ZNF570: variants seen among roughly 807,000 people sequenced by gnomAD.
ZNF570 encodes the protein zinc finger protein 570.
ZNF570 carries 8 observed loss-of-function variants against 14.2 expected under a neutral mutation model. The ratio of observed to expected loss-of-function variants is 0.56; its 90% confidence interval spans 0.33 to 1.02. ZNF570 has a LOEUF of 1.02. Among genes scored for constraint, ZNF570 ranks in the 50% least tolerant of loss-of-function variants. The pLI is 0.03. For missense variants in ZNF570, 559 were observed against 624.9 expected, an observed-to-expected ratio of 0.89 and a Z score of 1.12; for synonymous variants, 202 against 207.6, an observed-to-expected ratio of 0.97 and a Z score of 0.23.
upstream of ZNF570, chr19:37,468,149 C>T (rs77600815): frequency 7.0e-4 from 399 of 573,832 alleles, no homozygotes; most frequent in African/African-American, 7.0e-3. Context: ...TGCAGCGGCG[C>T]GATGTTGGCT....
intron 4 of ZNF570, among the ~76,000 whole-genome samples, chr19:37,481,247 G>A (rs138937380): frequency 1.1e-4 from 17 of 151,380 alleles, no homozygotes; most frequent in African/African-American, 3.9e-4. Context: ...TCCCCAACCC[G>A]CGTTCAAGCA....
intron 4 of ZNF570, 174 bp downstream of exon 4, chr19:37,476,608 C>T: frequency 1.1e-6 from 1 of 903,582 alleles, no homozygotes; most frequent in Non-Finnish European, 1.5e-6. Context: ...AATTATTTCC[C>T]TTCTCTTACT....
chr19:37,468,992 G>A (rs2041903055), upstream of ZNF570: 2 of 942,000 alleles, frequency 2.1e-6, no homozygotes, highest in Non-Finnish European at 2.5e-6. Context: ...TTTTCCCTGC[G>A]GCCAACCTGC....
At chr19:37,482,862 T>C (rs1764265814) in intron 4 of ZNF570, among the ~76,000 whole-genome samples, 1 of 147,874 alleles carries the variant, frequency 6.8e-6, no homozygotes, top group Non-Finnish European at 1.5e-5. Context: ...TCTCTCTCTC[T>C]CCCCCTCCCC....
chr19:37,470,310 G>T lies in ZNF570; in HGVS notation c.-45G>T, dbSNP rs779029751. The T allele has an allele frequency of 1.9e-6, 3 of 1,614,042 alleles. No homozygotes were observed. The highest frequency in any genetic ancestry group is 2.5e-6 in the Non-Finnish European group (3 of 1,179,948). ...GTTCTTTTCCCCATCTCAGTCATCTGAGGCCACTGCTATTTCCCAAGAGAA... is the reference window on the plus strand; with the variant it reads ...GTTCTTTTCCCCATCTCAGTCATCTTAGGCCACTGCTATTTCCCAAGAGAA... On this transcript the variant is annotated 5_prime_UTR_variant, in exon 2 of 5. Transcript: ENST00000330173.
chr19:37,485,386 T>G lies in ZNF570; in HGVS notation c.*153T>G. 1.4e-6 allele frequency: 1 copy of G among 718,198 alleles called. No homozygotes were observed. Among genetic ancestry groups the G allele is most frequent in the African/African-American group, 1.8e-5 (1 of 54,868 alleles). The allele number at this position is 718,198 out of a possible 1,614,324, so 44.5% of individuals were successfully genotyped here. ...CTACCTTTAAATCCATTTCCCACAA[T>G]GCACTCAAACGGATCTTTTTTTTCT... On this transcript the variant is annotated 3_prime_UTR_variant, in exon 5 of 5. Coordinates refer to ENST00000330173, the MANE Select transcript of ZNF570 (RefSeq NM_144694.5).
intron 2 of ZNF570, among the ~76,000 whole-genome samples, chr19:37,475,384 A>ATGCTC (rs1474307966): frequency 2.0e-5 from 3 of 152,212 alleles, no homozygotes; most frequent in Non-Finnish European, 4.4e-5. Flanking sequence ...AATGGAATTG[A>ATGCTC]TGCTCTGCTC....
rs1482516497 is a variant in ZNF570, at chr19:37,487,114, A to G, written c.*1881A>G. 1 of 147,890 alleles carries G rather than the reference A, an allele frequency of 6.8e-6. No homozygotes were observed. The highest frequency in any genetic ancestry group is 1.5e-5 in the Non-Finnish European group (1 of 67,202). The allele number at this position is 147,890 out of a possible 1,614,324, so 9.2% of individuals were successfully genotyped here. On this transcript the variant is annotated 3_prime_UTR_variant, in exon 5 of 5. Coordinates refer to ENST00000330173, the MANE Select transcript of ZNF570 (RefSeq NM_144694.5). ...CTACTCAGGAGGCTGAGGCAAGAGA[A>G]TTGCTTGAACCCAGGAGACAGAGGT...
At position 37,484,655 on chromosome 19, in the gene ZNF570, A is replaced by G; in HGVS notation, c.1033A>G (p.Ile345Val). ...GAAAGCATTTAGCAACAGATCATCCATTGCTCAACACCAGAGAGTTCATAC... is the reference window on the plus strand; with the variant it reads ...GAAAGCATTTAGCAACAGATCATCCGTTGCTCAACACCAGAGAGTTCATAC... ...CGKAFSNRSS[I>V]AQHQRVHTGE... The change falls in exon 5 of 5, where the codon ATT (isoleucine) becomes GTT (valine). Residue 345 changes from isoleucine to valine, a missense_variant. Coordinates refer to ENST00000330173, the MANE Select transcript of ZNF570 (RefSeq NM_144694.5). 1.9e-6 allele frequency: 3 copies of G among 1,613,032 alleles called. No homozygotes were observed. The highest frequency in any genetic ancestry group is 2.5e-6 in the Non-Finnish European group (3 of 1,179,732).
chr19:37,469,116 C>G (rs2041906087), upstream of ZNF570: 1 of 1,069,682 alleles, frequency 9.3e-7, no homozygotes, highest in South Asian at 3.1e-5. Flanking sequence ...GTGACCGGGC[C>G]AGGCTCGGAG....
At position 37,486,469 on chromosome 19, in the gene ZNF570, C is replaced by T. The variant is rs543161172; in HGVS notation, c.*1236C>T. 6.6e-6 allele frequency: 1 copy of T among 152,284 alleles called. No homozygotes were observed. Among genetic ancestry groups the T allele is most frequent in the South Asian group, 2.1e-4 (1 of 4,828 alleles). The allele number at this position is 152,284 out of a possible 1,614,324, so 9.4% of individuals were successfully genotyped here. A position where few individuals can be genotyped will look rare whatever the true frequency, so the allele number is the denominator to read the frequency against. On this transcript the variant is annotated 3_prime_UTR_variant, in exon 5 of 5. Transcript: ENST00000330173. ...TTGCATGTAAAATACTTCATATAGTCTGTCAAATATAGCAGATATTCAATA... is the reference window on the plus strand; with the variant it reads ...TTGCATGTAAAATACTTCATATAGTTTGTCAAATATAGCAGATATTCAATA...
In ZNF570 at chr19:37,483,992, A is replaced by G. The variant is rs759550871; in HGVS notation, c.370A>G (p.Ser124Gly). Reference protein sequence around the residue: ...TLTSYNLEYSSLREEWKCEGY... With the variant: ...TLTSYNLEYSGLREEWKCEGY... ...TACAAGCTATAACCTTGAATACTCC[A>G]GTTTGAGAGAAGAGTGGAAATGTGA... Residue 124 changes from serine (S) to glycine (G), a missense_variant, in exon 5 of 5, where the codon AGT (serine) becomes GGT (glycine). Physicochemically the swap from Ser to Gly is moderately conservative, Grantham distance 56. Coordinates refer to ENST00000330173, the MANE Select transcript of ZNF570 (RefSeq NM_144694.5). 4 of 1,614,048 alleles carry G rather than the reference A, an allele frequency of 2.5e-6. No individual in the cohort carries two copies. The highest frequency in any genetic ancestry group is 3.4e-6 in the Non-Finnish European group (4 of 1,180,010).
intron 2 of ZNF570, among the ~76,000 whole-genome samples, chr19:37,475,166 G>A (rs959970416): frequency 4.6e-5 from 7 of 151,972 alleles, no homozygotes; most frequent in East Asian, 1.9e-4. Context: ...GTTTCACCAT[G>A]TTGGCCAGGC....
chr19:37,482,868 TC>T lies in ZNF570; in HGVS notation c.257-1004del, dbSNP rs541926657. Among the ~76,000 whole-genome samples, 1,237 of 133,984 alleles carry T rather than the reference TC, an allele frequency of 9.2e-3. 17 individuals carry two copies. Among genetic ancestry groups the T allele is most frequent in the African/African-American group, 0.032 (1,166 of 36,488 alleles). The allele number at this position is 133,984 out of a possible 152,430, so 87.9% of individuals were successfully genotyped here. On this transcript the variant is annotated intron_variant, in intron 4 of 4. Coordinates refer to ENST00000330173, the MANE Select transcript of ZNF570 (RefSeq NM_144694.5). ...TTCTTTCTCTCTCTCTCTCTCCCCC[TC>T]CCCCCCTTTCTCCCTCTCTCTGTCT... is the stretch of plus-strand genomic sequence containing the variant.
chr19:37,478,635 T>A (rs549440325), intron 4 of ZNF570, among the ~76,000 whole-genome samples: 1 of 151,478 alleles, frequency 6.6e-6, no homozygotes, highest in South Asian at 2.1e-4. Context: ...AAGAATACTT[T>A]AGCATTTTGT....
At position 37,487,201 on chromosome 19, in the gene ZNF570, C is replaced by CAAAAA. The variant is rs60321298; in HGVS notation, c.*1991_*1995dup. The CAAAAA allele has an allele frequency of 8.9e-5, 4 of 44,828 alleles. No individual in the cohort carries two copies. The highest frequency in any genetic ancestry group is 1.3e-4 in the Non-Finnish European group (3 of 23,414). 2.8% of individuals were successfully genotyped at this position (44,828 alleles called of 1,614,324 possible). On this transcript the variant is annotated 3_prime_UTR_variant, in exon 5 of 5. Coordinates refer to ENST00000330173, the MANE Select transcript of ZNF570 (RefSeq NM_144694.5). ...TGGGCAATACAGCAAGACTCCATCT[C>CAAAAA]AAAAAAAAAAAAAAAAAAAAAAAAA...
Position 37,487,747 on chromosome 19 carries a change from GGTTT to G in ZNF570, c.*2518_*2521del, listed in dbSNP as rs1334885234. 1 of 151,960 alleles carries G rather than the reference GGTTT, an allele frequency of 6.6e-6. No homozygotes were observed. The highest frequency in any genetic ancestry group is 1.5e-5 in the Non-Finnish European group (1 of 67,992). The allele number at this position is 151,960 out of a possible 1,614,324, so 9.4% of individuals were successfully genotyped here. ...TTTTGTTTTGCCCTTTAGCTTCACA[GGTTT>G]GTTCTGAAATTTATGAGGTATAAAT... On this transcript the variant is annotated 3_prime_UTR_variant, in exon 5 of 5. Coordinates refer to ENST00000330173, the MANE Select transcript of ZNF570 (RefSeq NM_144694.5).
chr19:37,469,545 G>A lies in ZNF570; in HGVS notation c.-64G>A. The A allele has an allele frequency of 2.6e-6, 4 of 1,536,444 alleles. No individual in the cohort carries two copies. Among genetic ancestry groups the A allele is most frequent in the Non-Finnish European group, 3.5e-6 (4 of 1,146,906 alleles). ...CGTCGCAGGCCATCTGTGTGACTCC[G>A]GTGCGAGTGGAGGTTGGTACCGTTC... On this transcript the variant is annotated 5_prime_UTR_variant, in exon 1 of 5. Coordinates refer to ENST00000330173, the MANE Select transcript of ZNF570 (RefSeq NM_144694.5).
chr19:37,487,522 G>A lies in ZNF570; in HGVS notation c.*2289G>A, dbSNP rs768103875. ...AGTAAAATTCCAGAGGTGGAGACAT[G>A]TAATTAATACTTAAATATAAAACAG... On this transcript the variant is annotated 3_prime_UTR_variant, in exon 5 of 5. Transcript: ENST00000330173. The A allele has an allele frequency of 1.3e-5, 2 of 152,168 alleles. No individual in the cohort carries two copies. Among genetic ancestry groups the A allele is most frequent in the Non-Finnish European group, 2.9e-5 (2 of 68,028 alleles). 9.4% of individuals were successfully genotyped at this position (152,168 alleles called of 1,614,324 possible).
Sources: gnomAD v4.1 joint callset for allele counts (sites outside exome capture counted in the v4.1 genomes callset) on GRCh38, gnomAD v4.1.1 for gene constraint, MANE v1.5 for transcripts, NCBI Gene and HGNC (gene_info 2026-07-23, HGNC 2026-07-21) for gene names.